Variants in INSL6 observed in about 807,000 individuals in gnomAD.
The protein encoded by INSL6 is insulin like 6.
In INSL6, 16 loss-of-function variants were observed where a neutral mutation model predicts 9.4. That is an observed-to-expected ratio of 1.70 (90% confidence interval 1.15 to 2.59). The LOEUF (loss-of-function observed/expected upper bound fraction) is 2.59. INSL6 is among the 30% of genes most tolerant of loss of function. INSL6 has a pLI of 0.00. For synonymous variants in INSL6, 154 were observed against 96.9 expected, an observed-to-expected ratio of 1.59 and a Z score of -3.46; for missense variants, 391 against 257.3, an observed-to-expected ratio of 1.52 and a Z score of -3.56.
chr9:4,992,743 A>G, the INSL6 span, among the ~76,000 whole-genome samples: 1 of 152,182 alleles, frequency 6.6e-6, no homozygotes, highest in Non-Finnish European at 1.5e-5. Flanking sequence ...TGTCCCCTGC[A>G]TACTTTACAA....
the INSL6 span, among the ~76,000 whole-genome samples, chr9:5,036,083 A>G: frequency 6.6e-6 from 1 of 152,234 alleles, no homozygotes; most frequent in Non-Finnish European, 1.5e-5. Flanking sequence ...CTTACCCACC[A>G]ATAACAGACA....
chr9:5,021,109 C>G, the INSL6 span, among the ~76,000 whole-genome samples: 2 of 152,182 alleles, frequency 1.3e-5, no homozygotes, highest in Non-Finnish European at 2.9e-5. Flanking sequence ...CTCACTTACT[C>G]TTTCCCCACA....
chr9:5,095,579 C>G, the INSL6 span, among the ~76,000 whole-genome samples: 15 of 152,234 alleles, frequency 9.9e-5, no homozygotes, highest in Non-Finnish European at 1.9e-4. Flanking sequence ...CCAGAAGTAA[C>G]CCAGGGAACT....
At chr9:5,106,672 TG>T in the INSL6 span, among the ~76,000 whole-genome samples, 157 of 152,270 alleles carry the variant, frequency 1.0e-3, 1 homozygote, top group African/African-American at 3.7e-3. Context: ...AATGATAGAC[TG>T]GATAAGAAAA....
At chr9:5,026,954 G>T in the INSL6 span, among the ~76,000 whole-genome samples, 1 of 152,140 alleles carries the variant, frequency 6.6e-6, no homozygotes, top group East Asian at 1.9e-4. Flanking sequence ...AATGTATTGT[G>T]TAAAACTTGA....
At chr9:5,087,779 T>G in the INSL6 span, among the ~76,000 whole-genome samples, 2 of 151,960 alleles carry the variant, frequency 1.3e-5, no homozygotes, top group East Asian at 3.9e-4. Context: ...GAAATGTTCT[T>G]ATCTTTTGAA....
At chr9:5,086,239 G>T in the INSL6 span, 1 of 582,914 alleles carries the variant, frequency 1.7e-6, no homozygotes, top group Non-Finnish European at 2.2e-6. Context: ...TCTGAAAGTC[G>T]CGGTAGGATG....
intron 2 of INSL6, among the ~76,000 whole-genome samples, chr9:5,140,833 T>C (rs1824482177): frequency 6.6e-6 from 1 of 152,048 alleles, no homozygotes; most frequent in Admixed American, 6.6e-5. Context: ...TTAAGCCTAG[T>C]TATTTTTTCT....
the INSL6 span, chr9:5,069,112 A>C: frequency 6.8e-6 from 11 of 1,612,210 alleles, no homozygotes; most frequent in Admixed American, 1.7e-5. Flanking sequence ...GAACTTCAGC[A>C]GTCTTAAAGA....
At chr9:5,081,988 C>G in the INSL6 span, 1 of 765,042 alleles carries the variant, frequency 1.3e-6, no homozygotes, top group Non-Finnish European at 2.1e-6. Flanking sequence ...GTTTGGTTGT[C>G]AGATGTTGGA....
At chr9:5,078,269 AC>A in the INSL6 span, 3 of 1,576,052 alleles carry the variant, frequency 1.9e-6, no homozygotes, top group Non-Finnish European at 2.6e-6. Flanking sequence ...GTACTTGTGG[AC>A]TGATATTTGA....
the INSL6 span, among the ~76,000 whole-genome samples, chr9:5,117,353 A>G: frequency 6.6e-6 from 1 of 152,254 alleles, no homozygotes; most frequent in Admixed American, 6.5e-5. Context: ...CCAGGGGAAT[A>G]ACATGGTGAG....
downstream of INSL6, among the ~76,000 whole-genome samples, chr9:5,121,913 G>A (rs952914725): frequency 1.3e-5 from 2 of 152,112 alleles, no homozygotes; most frequent in Non-Finnish European, 2.9e-5. Flanking sequence ...AGGGAATAGT[G>A]CTGTCTTCAA....
At chr9:5,168,416 A>C (rs1825104822) in intron 1 of INSL6, among the ~76,000 whole-genome samples, 3 of 152,238 alleles carry the variant, frequency 2.0e-5, no homozygotes, top group Admixed American at 1.3e-4. Context: ...CAACACGTGA[A>C]CTTCACGATG....
At chr9:5,089,820 G>T in the INSL6 span, 6 of 1,591,552 alleles carry the variant, frequency 3.8e-6, no homozygotes, top group African/African-American at 6.8e-5. Context: ...AATCCCTACA[G>T]CATGACAACA....
chr9:5,048,764 A>T, the INSL6 span, among the ~76,000 whole-genome samples: 18 of 152,326 alleles, frequency 1.2e-4, no homozygotes, highest in South Asian at 6.2e-4. Flanking sequence ...AAATTAGTTT[A>T]AAAAGGTTCC....
the INSL6 span, among the ~76,000 whole-genome samples, chr9:5,065,491 G>A: frequency 2.0e-5 from 3 of 152,158 alleles, no homozygotes; most frequent in East Asian, 1.9e-4. Context: ...TTCCTGCAGC[G>A]ATGAAAATAT....
chr9:5,123,068 G>A, downstream of INSL6: 2 of 1,612,070 alleles, frequency 1.2e-6, no homozygotes, highest in Non-Finnish European at 1.7e-6. Flanking sequence ...GAGCTTTGGA[G>A]TGGTTCTGTA....
intron 3 of INSL6, chr9:5,126,900 G>T: frequency 1.8e-6 from 1 of 550,590 alleles, no homozygotes. Flanking sequence ...AAATCATGAT[G>T]CTAGCCAGCA....
Sources: allele counts gnomAD v4.1 joint callset (sites outside exome capture counted in the v4.1 genomes callset), GRCh38; gene constraint gnomAD v4.1.1; transcripts MANE v1.5; gene names NCBI Gene and HGNC (gene_info 2026-07-23, HGNC 2026-07-21).